CNOT10: variants seen among roughly 807,000 people sequenced by gnomAD.
CNOT10 encodes CCR4-NOT transcription complex, subunit 10.
A neutral mutation model predicts 94.6 loss-of-function variants in CNOT10; 30 were observed. That is an observed-to-expected ratio of 0.32 (90% CI 0.24 to 0.43). The LOEUF (loss-of-function observed/expected upper bound fraction) is 0.43, where lower values mean the gene tolerates loss of function less well. Among genes scored for constraint, CNOT10 ranks in the 20% least tolerant of loss-of-function variants. The pLI, the probability that CNOT10 is intolerant of heterozygous loss-of-function variation, is 1.00. For synonymous variants in CNOT10, 289 were observed against 301.6 expected (o/e 0.96, Z 0.43); for missense variants, 759 against 877.2 (o/e 0.87, Z 1.70).
intron 11 of CNOT10, 135 bp from the exon 12 acceptor site, chr3:32,734,665 C>T (rs1453495849): frequency 1.5e-6 from 1 of 675,736 alleles, no homozygotes; most frequent in Non-Finnish European, 2.4e-6. Context: ...GCTTTTATAA[C>T]TGCTTATATT....
chr3:32,733,692 C>T (rs1385662730), intron 11 of CNOT10, 148 bp downstream of exon 11: 3 of 534,402 alleles, frequency 5.6e-6, no homozygotes, highest in African/African-American at 3.9e-5. Context: ...CAAACAGACC[C>T]TCATGTATAG....
At chr3:32,714,592 C>T (rs1456852283) in intron 5 of CNOT10, among the ~76,000 whole-genome samples, 1 of 152,044 alleles carries the variant, frequency 6.6e-6, no homozygotes, top group Non-Finnish European at 1.5e-5. Context: ...AACTGTAATT[C>T]CAACTACTCA....
At chr3:32,766,161 A>G in intron 17 of CNOT10, among the ~76,000 whole-genome samples, 1 of 45,278 alleles carries the variant, frequency 2.2e-5, no homozygotes, top group South Asian at 7.6e-4. Context: ...ATGTACCACC[A>G]CGCCCGGCTA....
chr3:32,748,737 C>T (rs746703396), intron 13 of CNOT10, among the ~76,000 whole-genome samples: 2 of 151,708 alleles, frequency 1.3e-5, no homozygotes, highest in Admixed American at 6.6e-5. Flanking sequence ...CTCAAAAACA[C>T]GTGACCTCAA....
chr3:32,728,600 G>A lies in CNOT10; in HGVS notation c.1215+730G>A, dbSNP rs118071840. ...TGCACTCCACCTTAGGCAACAGAGC[G>A]AGACCCTGTCTCAAAAAAAATAAAA... On this transcript the variant is annotated intron_variant, in intron 10 of 18. Transcript: ENST00000328834. Among the ~76,000 whole-genome samples, 41 of 152,086 alleles carry A rather than the reference G, an allele frequency of 2.7e-4. No individual in the cohort carries two copies. In the East Asian group the frequency reaches 8.0e-3, roughly 30 times the overall value.
At chr3:32,698,536 A>G (rs1271289622) in intron 1 of CNOT10, among the ~76,000 whole-genome samples, 1 of 152,196 alleles carries the variant, frequency 6.6e-6, no homozygotes, top group Non-Finnish European at 1.5e-5. Flanking sequence ...ATATATTTTT[A>G]AAAATATAAG....
intron 7 of CNOT10, among the ~76,000 whole-genome samples, chr3:32,718,473 A>G (rs1299308957): frequency 6.8e-6 from 1 of 146,710 alleles, no homozygotes; most frequent in Non-Finnish European, 1.5e-5. Flanking sequence ...AGTCCCAGCT[A>G]CTCGGGAGGC....
intron 11 of CNOT10, among the ~76,000 whole-genome samples, chr3:32,734,162 A>G (rs2125579387): frequency 6.6e-6 from 1 of 152,356 alleles, no homozygotes; most frequent in Admixed American, 6.5e-5. Context: ...TTTAGTCTTA[A>G]TTTAGTTAAA....
intron 12 of CNOT10, among the ~76,000 whole-genome samples, chr3:32,735,673 CTCCA>C (rs1326585955): frequency 1.3e-5 from 2 of 152,292 alleles, no homozygotes; most frequent in Non-Finnish European, 2.9e-5. Flanking sequence ...TGCCACTGCA[CTCCA>C]TCCAGCCTGG....
chr3:32,743,383 A>G (rs1018565861), intron 13 of CNOT10, among the ~76,000 whole-genome samples: 4 of 152,084 alleles, frequency 2.6e-5, no homozygotes, highest in African/African-American at 4.8e-5. Flanking sequence ...TAATCCCAGC[A>G]CTTTGGGAGG....
chr3:32,733,410 T>C lies in CNOT10; in HGVS notation c.1216-13T>C, dbSNP rs1409201946. On this transcript the variant is annotated splice_polypyrimidine_tract_variant and intron_variant, in intron 10 of 18. Transcript: ENST00000328834. ...TTCCCTTAAATTTATTGGAAATTATTTGTATTTTGTAGACTTCTGAACAAG... is the reference window on the plus strand; with the variant it reads ...TTCCCTTAAATTTATTGGAAATTATCTGTATTTTGTAGACTTCTGAACAAG... The C allele has an allele frequency of 6.5e-7, 1 of 1,546,550 alleles. No individual in the cohort carries two copies. The highest frequency in any genetic ancestry group is 1.4e-5 in the African/African-American group (1 of 72,322).
rs149462077 is a variant in CNOT10 at position 32,772,438 on chromosome 3, A to G, written c.2081-1019A>G. 5.2e-3 allele frequency among the ~76,000 whole-genome samples: 799 copies of G among 152,214 alleles called. 6 individuals are homozygous for G. The highest frequency in any genetic ancestry group is 0.018 in the African/African-American group (736 of 41,526). ...GAGGCGGGAGGATTGCTTAAGGCCAAGAGTTCAAGGCTATAGTGTGCAGTA... is the reference window on the plus strand; with the variant it reads ...GAGGCGGGAGGATTGCTTAAGGCCAGGAGTTCAAGGCTATAGTGTGCAGTA... On this transcript the variant is annotated intron_variant, in intron 18 of 18. Transcript: ENST00000328834.
intron 1 of CNOT10, among the ~76,000 whole-genome samples, chr3:32,692,870 C>T (rs1696907489): frequency 6.6e-6 from 1 of 152,074 alleles, no homozygotes; most frequent in South Asian, 2.1e-4. Context: ...ACATGAGAGC[C>T]TGTCTCTACG....
chr3:32,739,575 T>TA (rs1169628046), intron 13 of CNOT10, among the ~76,000 whole-genome samples: 1 of 152,102 alleles, frequency 6.6e-6, no homozygotes, highest in African/African-American at 2.4e-5. Context: ...CATAATAGTC[T>TA]AAAAAGTAAT....
chr3:32,721,998 C>T (rs1471053436), intron 8 of CNOT10, among the ~76,000 whole-genome samples: 1 of 152,042 alleles, frequency 6.6e-6, no homozygotes, highest in Non-Finnish European at 1.5e-5. Flanking sequence ...CTTACAAATC[C>T]TTTGATACTA....
intron 13 of CNOT10, among the ~76,000 whole-genome samples, chr3:32,740,486 A>C (rs988621783): frequency 3.9e-5 from 6 of 152,184 alleles, no homozygotes; most frequent in Non-Finnish European, 7.3e-5. Context: ...ATCACAGTCA[A>C]GATATTGACA....
intron 18 of CNOT10, among the ~76,000 whole-genome samples, chr3:32,771,323 G>A (rs1037328746): frequency 6.6e-6 from 1 of 151,896 alleles, no homozygotes; most frequent in Non-Finnish European, 1.5e-5. Flanking sequence ...ATAATAGGCC[G>A]GGCACAGTGG....
chr3:32,727,783 A>G lies in CNOT10; in HGVS notation c.1128A>G (p.Glu376=). ...LHIGRPLAAF[E]CLIEAVQVYH... is the part of the protein sequence containing the mutation. ...TTGGAAGGCCTCTTGCTGCCTTCGA[A>G]TGTCTGATTGAAGCTGTTCAGGTTT... Residue 376 remains glutamate (E), a synonymous_variant, in exon 10 of 19, where the codon GAA becomes GAG. Transcript: ENST00000328834. 6.2e-7 allele frequency: 1 copy of G among 1,614,044 alleles called. No individual in the cohort carries two copies. The highest frequency in any genetic ancestry group is 1.1e-5 in the South Asian group (1 of 91,064).
intron 4 of CNOT10, 95 bp from the exon 5 acceptor site, chr3:32,713,132 T>C (rs2125534150): frequency 1.0e-6 from 1 of 962,502 alleles, no homozygotes; most frequent in Admixed American, 2.9e-5. Context: ...TATGCTTTGC[T>C]ATTTAAAGCT....
Sources: gnomAD v4.1 joint callset for allele counts (sites outside exome capture counted in the v4.1 genomes callset) on GRCh38, gnomAD v4.1.1 for gene constraint, MANE v1.5 for transcripts, NCBI Gene and HGNC (gene_info 2026-07-23, HGNC 2026-07-21) for gene names.